The following LNPK variants were observed in gnomAD, a reference collection of about 807,000 sequenced individuals.
LNPK encodes endoplasmic reticulum junction formation protein lunapark.
A neutral mutation model predicts 55.2 loss-of-function variants in LNPK; 29 were observed. The observed-to-expected ratio is 0.53, with a 90% confidence interval of 0.39 to 0.72. The LOEUF (loss-of-function observed/expected upper bound fraction) is 0.72. LNPK is among the 30% of genes least tolerant of loss of function. The pLI is 0.00. For missense variants in LNPK, 467 were observed against 494.8 expected (o/e 0.94, Z 0.53); for synonymous variants, 162 against 168.2 (o/e 0.96, Z 0.29).
chr2:175,994,914 A>ATTTTTTT (rs35432943), intron 2 of LNPK, among the ~76,000 whole-genome samples: 1 of 88,494 alleles, frequency 1.1e-5, no homozygotes, highest in Non-Finnish European at 2.2e-5. Flanking sequence ...CTTGTATAGA[A>ATTTTTTT]TTTTTTTTTT....
At chr2:175,982,436 A>C (rs1394324863) in intron 4 of LNPK, among the ~76,000 whole-genome samples, 2 of 152,238 alleles carry the variant, frequency 1.3e-5, no homozygotes, top group African/African-American at 4.8e-5. Flanking sequence ...TTTTTATCAG[A>C]ATTCCTCCTA....
At chr2:176,000,574 A>G (rs1281785631) in intron 1 of LNPK, among the ~76,000 whole-genome samples, 3 of 152,242 alleles carry the variant, frequency 2.0e-5, no homozygotes, top group Admixed American at 6.5e-5. Context: ...TTTCTCTAGT[A>G]TAAGAAATAG....
At chr2:175,962,766 C>T (rs1686111936) in intron 8 of LNPK, among the ~76,000 whole-genome samples, 1 of 151,982 alleles carries the variant, frequency 6.6e-6, no homozygotes, top group Non-Finnish European at 1.5e-5. Flanking sequence ...ACTGAACACG[C>T]AATCTACAGA....
At chr2:175,963,268 C>G (rs1356703608) in intron 8 of LNPK, among the ~76,000 whole-genome samples, 1 of 152,020 alleles carries the variant, frequency 6.6e-6, no homozygotes, top group Non-Finnish European at 1.5e-5. Context: ...ATGTTTATTG[C>G]GGCATTATTC....
intron 1 of LNPK, 110 bp from the exon 2 acceptor site, chr2:175,995,756 C>A: frequency 2.8e-6 from 1 of 351,304 alleles, no homozygotes. Context: ...TATTTGGATG[C>A]CACATATATG....
At chr2:175,969,081 C>T (rs1033912437) in intron 6 of LNPK, among the ~76,000 whole-genome samples, 2 of 151,330 alleles carry the variant, frequency 1.3e-5, no homozygotes, top group Non-Finnish European at 2.9e-5. Flanking sequence ...CTGTTAAAGG[C>T]TTGAACAGTC....
chr2:175,980,665 G>A (rs1687127138), intron 4 of LNPK, among the ~76,000 whole-genome samples: 1 of 152,182 alleles, frequency 6.6e-6, no homozygotes, highest in African/African-American at 2.4e-5. Flanking sequence ...CCAGCACTTT[G>A]GGAGGCCAAG....
At chr2:175,949,389 T>C (rs1176622020) in intron 8 of LNPK, among the ~76,000 whole-genome samples, 4 of 152,102 alleles carry the variant, frequency 2.6e-5, no homozygotes, top group Non-Finnish European at 4.4e-5. Context: ...AAAATCATAT[T>C]AGGATTTGAT....
chr2:175,932,276 G>A (rs1468716532), intron 12 of LNPK: 6 of 425,344 alleles, frequency 1.4e-5, no homozygotes, highest in Non-Finnish European at 2.8e-5. Context: ...CAAATTCTGG[G>A]GCCACAAAGA....
At chr2:175,946,336 T>C (rs1299513276) in intron 9 of LNPK, among the ~76,000 whole-genome samples, 1 of 152,166 alleles carries the variant, frequency 6.6e-6, no homozygotes, top group Admixed American at 6.5e-5. Flanking sequence ...ATCAACCAGA[T>C]AACAACAGAA....
At chr2:175,946,003 G>A (rs1481133852) in intron 9 of LNPK, among the ~76,000 whole-genome samples, 3 of 152,028 alleles carry the variant, frequency 2.0e-5, no homozygotes, top group Non-Finnish European at 4.4e-5. Context: ...AAAAAACTAA[G>A]TATTAATCTT....
intron 12 of LNPK, among the ~76,000 whole-genome samples, chr2:175,935,222 TAAG>T (rs533955879): frequency 3.1e-4 from 47 of 152,330 alleles, no homozygotes; most frequent in East Asian, 1.2e-3. Context: ...TTTCTGCTGC[TAAG>T]AAGGAGCCAC....
chr2:175,935,714 G>T, intron 12 of LNPK: 4 of 932,306 alleles, frequency 4.3e-6, no homozygotes, highest in Non-Finnish European at 5.1e-6. Context: ...TTACCTTATT[G>T]GGGTTGGGTT....
intron 6 of LNPK, among the ~76,000 whole-genome samples, chr2:175,967,375 A>C (rs1686421425): frequency 6.6e-6 from 1 of 152,180 alleles, no homozygotes; most frequent in Non-Finnish European, 1.5e-5. Context: ...ACATCATAGA[A>C]AACATTAAAA....
rs537985355 is a variant in LNPK at position 176,002,187 on chromosome 2, G to C, written c.-90C>G. 1.9e-4 allele frequency: 85 copies of C among 446,342 alleles called. 1 individual carries two copies. Among genetic ancestry groups the C allele is most frequent in the South Asian group, 2.8e-4 (18 of 63,420 alleles). The allele number at this position is 446,342 out of a possible 1,614,324, so 27.6% of individuals were successfully genotyped here. ...GCAAGAAGCGGGCGCAGCCCGGCCC[G>C]GGCGTCCACCCCCGCCAGTCTCGGC... On this transcript the variant is annotated 5_prime_UTR_variant, in exon 1 of 13. Transcript: ENST00000272748.
chr2:175,950,144 C>T (rs1028338668), intron 8 of LNPK, among the ~76,000 whole-genome samples: 2 of 152,182 alleles, frequency 1.3e-5, no homozygotes, highest in Admixed American at 1.3e-4. Flanking sequence ...TTAACACCCT[C>T]ATCAATGATC....
In LNPK at chr2:175,970,765, A is replaced by G; in HGVS notation, c.356T>C (p.Ile119Thr). 7.4e-7 allele frequency: 1 copy of G among 1,352,860 alleles called. No individual in the cohort carries two copies. Among genetic ancestry groups the G allele is most frequent in the Non-Finnish European group, 9.9e-7 (1 of 1,011,836 alleles). The allele number at this position is 1,352,860 out of a possible 1,614,324, so 83.8% of individuals were successfully genotyped here. A position where few individuals can be genotyped will look rare whatever the true frequency, so the allele number is the denominator to read the frequency against. The part of the protein sequence containing the change: ...LDDLKSQRKK[I>T]LEEVMEKETY... ...AATTTTAAATAAAAGTTAACTTACT[A>G]TTTTTTTCCTCTGGGATTTTAAATC... Residue 119 changes from isoleucine (I) to threonine (T), a missense_variant and splice_region_variant, in exon 6 of 13, where the codon ATA becomes ACA. Physicochemically the swap from Ile to Thr is moderately conservative, Grantham distance 89 (BLOSUM62 -1). Coordinates refer to ENST00000272748, the MANE Select transcript of LNPK (RefSeq NM_030650.3).
At chr2:175,937,637 T>C in intron 11 of LNPK, 123 bp from the exon 12 acceptor site, 11 of 633,406 alleles carry the variant, frequency 1.7e-5, no homozygotes, top group South Asian at 1.3e-4. Context: ...TTACTGTGTA[T>C]GTTATTTAAA....
At chr2:175,973,776 C>T (rs1686766987) in intron 5 of LNPK, among the ~76,000 whole-genome samples, 1 of 152,210 alleles carries the variant, frequency 6.6e-6, no homozygotes, top group Non-Finnish European at 1.5e-5. Flanking sequence ...AGGAAGATCA[C>T]TTGAAATCAT....
Sources: allele counts gnomAD v4.1 joint callset (sites outside exome capture counted in the v4.1 genomes callset), GRCh38; gene constraint gnomAD v4.1.1; transcripts MANE v1.5; gene names NCBI Gene and HGNC (gene_info 2026-07-23, HGNC 2026-07-21).